Variants in KHDRBS3 observed in about 807,000 individuals in gnomAD.
KHDRBS3 encodes the protein KH domain-containing, RNA-binding, signal transduction-associated protein 3.
KHDRBS3 carries 23 observed loss-of-function variants against 45.6 expected under a neutral mutation model. The observed-to-expected ratio is 0.50, with a 90% CI of 0.36 to 0.72. The LOEUF is 0.72. KHDRBS3 is among the 30% of genes least tolerant of loss of function. The pLI is 0.00. For missense variants in KHDRBS3, 352 were observed against 424.8 expected (o/e 0.83, Z 1.51); for synonymous variants, 162 against 156.5 (o/e 1.04, Z -0.26).
intron 5 of KHDRBS3, among the ~76,000 whole-genome samples, chr8:135,575,481 C>T (rs571182463): frequency 1.3e-5 from 2 of 152,294 alleles, no homozygotes; most frequent in East Asian, 3.9e-4. Context: ...CCCTTACAAA[C>T]ATGTCTGCAT....
rs191102458 is a variant in KHDRBS3 at position 135,604,333 on chromosome 8, G to A, written c.808-2622G>A. ...ATGTTTGAACTAAAGTGTGTCTCTT[G>A]TAGACAGCATGTGGTTGGATCATTT... On this transcript the variant is annotated intron_variant, in intron 6 of 8. Transcript: ENST00000355849. 4.6e-5 allele frequency among the ~76,000 whole-genome samples: 7 copies of A among 151,714 alleles called. No homozygotes were observed. In the East Asian group the frequency reaches 7.8e-4, roughly 17 times the overall value.
intron 1 of KHDRBS3, among the ~76,000 whole-genome samples, chr8:135,496,392 C>G (rs1457618234): frequency 6.6e-6 from 1 of 151,684 alleles, no homozygotes; most frequent in East Asian, 1.9e-4. Flanking sequence ...GCCATGTCAC[C>G]CGGCTAATTT....
rs552622856 is a variant in KHDRBS3, at chr8:135,602,065, G to A, written c.808-4890G>A. On this transcript the variant is annotated intron_variant, in intron 6 of 8. Transcript: ENST00000355849. ...GCTCCACTACTCTCTCCTTTTCCTC[G>A]TTTTAATCATTTGCTGAGTCATTTG... Among the ~76,000 whole-genome samples the A allele has an allele frequency of 3.1e-4, 47 of 152,216 alleles. No individual in the cohort carries two copies. In the South Asian group the frequency reaches 8.1e-3, roughly 26 times the overall value.
downstream of KHDRBS3, among the ~76,000 whole-genome samples, chr8:135,650,263 T>A (rs1231998267): frequency 1.3e-5 from 2 of 152,168 alleles, no homozygotes; most frequent in African/African-American, 4.8e-5. Flanking sequence ...ATTGCCTGTA[T>A]CTTTGCATGA....
rs777318811 is a variant in KHDRBS3 at position 135,482,631 on chromosome 8, G to A, written c.88+24677G>A. On this transcript the variant is annotated intron_variant, in intron 1 of 8. Coordinates refer to ENST00000355849, the MANE Select transcript of KHDRBS3 (RefSeq NM_006558.3). ...TGGGCGCGTGTGTATGCCGGGGTGG[G>A]TGAGAGGTGGCATTAGAGACTGGAA... 4.6e-4 allele frequency among the ~76,000 whole-genome samples: 70 copies of A among 152,110 alleles called. 1 individual carries two copies. Among genetic ancestry groups the A allele is most frequent in the South Asian group, 4.2e-4 (2 of 4,816 alleles).
intron 1 of KHDRBS3, among the ~76,000 whole-genome samples, chr8:135,472,091 AG>A (rs1406881692): frequency 1.3e-5 from 2 of 152,186 alleles, no homozygotes; most frequent in African/African-American, 4.8e-5. Context: ...TCAGAATGCA[AG>A]TGAAAGAAGA....
At chr8:135,582,097 G>A (rs1218069969) in intron 6 of KHDRBS3, 24 bp downstream of exon 6, 2 of 1,502,472 alleles carry the variant, frequency 1.3e-6, no homozygotes, top group Non-Finnish European at 1.8e-6. Flanking sequence ...TCAGACAACA[G>A]CCTTGTTCAT....
At chr8:135,566,496 A>G (rs1827423091) in intron 5 of KHDRBS3, among the ~76,000 whole-genome samples, 1 of 152,204 alleles carries the variant, frequency 6.6e-6, no homozygotes, top group East Asian at 1.9e-4. Flanking sequence ...TAGAGGATGA[A>G]GTAGATCAGT....
chr8:135,630,566 A>T (rs1223114618), intron 7 of KHDRBS3, among the ~76,000 whole-genome samples: 1 of 151,902 alleles, frequency 6.6e-6, no homozygotes, highest in Non-Finnish European at 1.5e-5. Flanking sequence ...AGGTAATTTC[A>T]TCATTAGGGG....
intron 1 of KHDRBS3, among the ~76,000 whole-genome samples, chr8:135,494,374 G>A (rs1823321149): frequency 6.9e-6 from 1 of 144,358 alleles, no homozygotes. Flanking sequence ...CGCCTCCCGG[G>A]TTCACGCCAT....
At chr8:135,557,352 AC>A (rs994741066) in intron 4 of KHDRBS3, 95 bp from the exon 5 acceptor site, 50 of 593,286 alleles carry the variant, frequency 8.4e-5, no homozygotes, top group Non-Finnish European at 1.3e-4. Flanking sequence ...TATTTTCCTA[AC>A]CCTTTTTTCT....
chr8:135,498,133 TG>T (rs1563723535), intron 1 of KHDRBS3, among the ~76,000 whole-genome samples: 1 of 151,330 alleles, frequency 6.6e-6, no homozygotes, highest in Non-Finnish European at 1.5e-5. Flanking sequence ...ACCTCAGAGA[TG>T]AAAAAAAAAA....
intron 2 of KHDRBS3, among the ~76,000 whole-genome samples, chr8:135,536,976 A>G (rs956948539): frequency 6.1e-5 from 3 of 49,110 alleles, no homozygotes; most frequent in South Asian, 8.5e-4. Context: ...CAAAAAAAAA[A>G]AAAAAAAAAA....
intron 1 of KHDRBS3, among the ~76,000 whole-genome samples, chr8:135,476,300 C>G (rs192206148): frequency 6.6e-6 from 1 of 152,006 alleles, no homozygotes; most frequent in African/African-American, 2.4e-5. Flanking sequence ...CACACCACCA[C>G]GCCCAGCTAA....
chr8:135,493,378 A>T (rs1823255983), intron 1 of KHDRBS3, among the ~76,000 whole-genome samples: 2 of 151,950 alleles, frequency 1.3e-5, no homozygotes, highest in African/African-American at 4.8e-5. Flanking sequence ...TTTTTTTCTG[A>T]TCATAGGGAA....
intron 5 of KHDRBS3, among the ~76,000 whole-genome samples, chr8:135,564,510 T>C (rs578013726): frequency 9.8e-5 from 15 of 152,324 alleles, no homozygotes; most frequent in African/African-American, 3.6e-4. Flanking sequence ...ATTTGTTCCT[T>C]ATTGGTTTGG....
chr8:135,554,204 G>A lies in KHDRBS3; in HGVS notation c.472-3244G>A, dbSNP rs117605059. 2.7e-4 allele frequency among the ~76,000 whole-genome samples: 41 copies of A among 152,182 alleles called. No individual in the cohort carries two copies. The East Asian group carries it at 5.8e-3, about 21-fold the overall frequency. On this transcript the variant is annotated intron_variant, in intron 4 of 8. Transcript: ENST00000355849. ...TTCAAAGATGATATCTTAAATGGAC[G>A]TTATAGTTTTTGTGATACTGTTATA...
intron 7 of KHDRBS3, among the ~76,000 whole-genome samples, chr8:135,638,883 C>A (rs11996590): frequency 0.012 from 1,839 of 151,868 alleles, 26 homozygotes; most frequent in African/African-American, 0.042. Context: ...ATTGCTTGAA[C>A]CTGGGAGGCG....
intron 5 of KHDRBS3, among the ~76,000 whole-genome samples, chr8:135,569,022 G>A (rs552004605): frequency 3.9e-4 from 59 of 151,882 alleles, no homozygotes; most frequent in Admixed American, 2.2e-3. Context: ...TTTAAACAAT[G>A]GTGTCTTCTA....
Sources: allele counts gnomAD v4.1 joint callset (sites outside exome capture counted in the v4.1 genomes callset), GRCh38; gene constraint gnomAD v4.1.1; transcripts MANE v1.5; gene names NCBI Gene and HGNC (gene_info 2026-07-23, HGNC 2026-07-21).